SPIN1: variants seen among roughly 807,000 people sequenced by gnomAD.
SPIN1 encodes spindlin 1.
A neutral mutation model predicts 26.0 loss-of-function variants in SPIN1; 3 were observed. That is an observed-to-expected ratio of 0.12 (90% CI 0.05 to 0.30). SPIN1 has a LOEUF of 0.30. Ranked by LOEUF, SPIN1 falls within the 10% of genes least tolerant of loss-of-function variation. SPIN1 has a pLI of 1.00. For synonymous variants in SPIN1, 101 were observed against 116.5 expected, an observed-to-expected ratio of 0.87 and a Z score of 0.86; for missense variants, 126 against 333.4, an observed-to-expected ratio of 0.38 and a Z score of 4.84.
chr9:88,467,859 A>C (rs906341126), intron 4 of SPIN1, among the ~76,000 whole-genome samples: 26 of 102,808 alleles, frequency 2.5e-4, no homozygotes, highest in Non-Finnish European at 3.8e-4. Context: ...AAAAAAAAAC[A>C]AAAAAAAAAC....
At position 88,462,515 on chromosome 9, in the gene SPIN1, G is replaced by C; in HGVS notation, c.121G>C (p.Gly41Arg). 1 of 1,614,044 alleles carries C rather than the reference G, an allele frequency of 6.2e-7. No individual in the cohort carries two copies. The highest frequency in any genetic ancestry group is 1.1e-5 in the South Asian group (1 of 91,066). ...TSHKKHRSSV[G>R]PSKPVSQPRR... is the part of the protein sequence containing the mutation. ...ATACAGAAAACATCGGAGCAGTGTG[G>C]GTCCGAGCAAACCTGTTTCCCAGCC... is the stretch of plus-strand genomic sequence containing the variant. Residue 41 changes from glycine to arginine, a missense_variant, in exon 4 of 6, where the codon GGT (glycine) becomes CGT (arginine). Physicochemically the swap from Gly to Arg is moderately radical, Grantham distance 125. This residue lies in a region of SPIN1 where 63 missense variants were observed against 101.3 expected (regional missense o/e 0.62). Transcript: ENST00000375859.
intron 5 of SPIN1, among the ~76,000 whole-genome samples, chr9:88,470,588 A>C (rs1828761124): frequency 1.5e-5 from 2 of 133,618 alleles, no homozygotes; most frequent in African/African-American, 7.6e-5. Context: ...TCATATGCTT[A>C]TTGGCCCCCC....
intron 4 of SPIN1, among the ~76,000 whole-genome samples, chr9:88,463,669 C>T (rs1828611916): frequency 6.6e-6 from 1 of 152,134 alleles, no homozygotes; most frequent in Admixed American, 6.5e-5. Flanking sequence ...TTTTGTTTTA[C>T]TCTTCTCTTT....
At chr9:88,472,360 G>A (rs1166385453) in intron 5 of SPIN1, among the ~76,000 whole-genome samples, 6 of 152,034 alleles carry the variant, frequency 3.9e-5, no homozygotes, top group Admixed American at 3.3e-4. Flanking sequence ...TCAGCCTCCC[G>A]GGTAGCTGGG....
chr9:88,418,823 C>G (rs1267273368), intron 1 of SPIN1: 1 of 152,052 alleles, frequency 6.6e-6, no homozygotes, highest in Non-Finnish European at 1.5e-5. Context: ...TGACCCTGAC[C>G]AAGTTATTTT....
At chr9:88,408,308 C>CTCAGTCCCT (rs1224715033) in intron 1 of SPIN1, among the ~76,000 whole-genome samples, 1 of 146,998 alleles carries the variant, frequency 6.8e-6, no homozygotes, top group Non-Finnish European at 1.5e-5. Context: ...TTCAGATCTT[C>CTCAGTCCCT]TCAGTCCCTT....
At chr9:88,449,966 G>A (rs1023011397) in intron 3 of SPIN1, among the ~76,000 whole-genome samples, 7 of 152,210 alleles carry the variant, frequency 4.6e-5, no homozygotes, top group Non-Finnish European at 1.0e-4. Flanking sequence ...AATTGTTAGT[G>A]ATTGGGCGAA....
chr9:88,430,107 T>C (rs1295188539), intron 2 of SPIN1, among the ~76,000 whole-genome samples: 1 of 152,182 alleles, frequency 6.6e-6, no homozygotes, highest in Non-Finnish European at 1.5e-5. Context: ...CCAATGTGTC[T>C]ATTTGCAAAT....
In SPIN1 at chr9:88,410,238, A is replaced by G. The variant is rs1186769807; in HGVS notation, c.-158-16144A>G. ...ATTTATTCAGCATCATGATCAGACT[A>G]TTACATTTAGCAATCAACAGCATGG... On this transcript the variant is annotated intron_variant, in intron 1 of 5. Transcript: ENST00000375859. Among the ~76,000 whole-genome samples the G allele has an allele frequency of 4.7e-5, 7 of 149,966 alleles. No homozygotes were observed. The Admixed American group carries it at 4.7e-4, about 10-fold the overall frequency.
At chr9:88,456,804 C>G (rs896769508) in intron 3 of SPIN1, among the ~76,000 whole-genome samples, 1 of 151,998 alleles carries the variant, frequency 6.6e-6, no homozygotes, top group Admixed American at 6.6e-5. Context: ...AAGAACAAGC[C>G]AGGAATCACC....
intron 1 of SPIN1, among the ~76,000 whole-genome samples, chr9:88,408,800 A>G (rs548911280): frequency 5.3e-5 from 8 of 150,214 alleles, no homozygotes; most frequent in African/African-American, 1.2e-4. Flanking sequence ...CAGCCTCCCA[A>G]GTAGCTGGGA....
chr9:88,429,170 C>T (rs571947829), intron 2 of SPIN1, among the ~76,000 whole-genome samples: 6 of 152,270 alleles, frequency 3.9e-5, no homozygotes, highest in Admixed American at 3.3e-4. Flanking sequence ...GCCTGGCCTC[C>T]ACCTATTCTC....
intron 4 of SPIN1, among the ~76,000 whole-genome samples, chr9:88,463,477 A>G (rs188919225): frequency 7.9e-5 from 12 of 152,344 alleles, no homozygotes; most frequent in African/African-American, 2.2e-4. Context: ...TTATAAGTCT[A>G]TACCATTAAA....
chr9:88,433,671 T>C (rs1183099607), intron 2 of SPIN1, among the ~76,000 whole-genome samples: 1 of 152,202 alleles, frequency 6.6e-6, no homozygotes, highest in East Asian at 1.9e-4. Context: ...TATTTTCTTA[T>C]TTCTCTTTTA....
intron 5 of SPIN1, among the ~76,000 whole-genome samples, chr9:88,473,089 A>G (rs1828820614): frequency 6.6e-6 from 1 of 152,102 alleles, no homozygotes; most frequent in Admixed American, 6.5e-5. Context: ...TACTTCTTCA[A>G]TACATATTTT....
rs539282754 is a variant in SPIN1 at position 88,420,108 on chromosome 9, G to A, written c.-158-6274G>A. On this transcript the variant is annotated intron_variant, in intron 1 of 5. Coordinates refer to ENST00000375859, the MANE Select transcript of SPIN1 (RefSeq NM_006717.3). The stretch of plus-strand genomic sequence containing the variant: ...AGTTTTATTCAGGCCAGGCGCGGTG[G>A]CTCATGCCTGTAATCCCAGCACTTT... 3.3e-3 allele frequency among the ~76,000 whole-genome samples: 506 copies of A among 152,346 alleles called. 3 individuals carry two copies. The highest frequency in any genetic ancestry group is 0.011 in the African/African-American group (469 of 41,580).
At chr9:88,473,518 A>T (rs894001515) in intron 5 of SPIN1, among the ~76,000 whole-genome samples, 3 of 152,166 alleles carry the variant, frequency 2.0e-5, no homozygotes, top group Non-Finnish European at 4.4e-5. Context: ...TGACTTGAAC[A>T]TTTTTTTATA....
intron 2 of SPIN1, among the ~76,000 whole-genome samples, chr9:88,447,472 G>A (rs1828274292): frequency 6.6e-6 from 1 of 152,018 alleles, no homozygotes; most frequent in African/African-American, 2.4e-5. Context: ...CGAGACTGTT[G>A]GAGTCTATTT....
intron 2 of SPIN1, among the ~76,000 whole-genome samples, chr9:88,430,794 A>T (rs1417713100): frequency 6.6e-6 from 1 of 150,678 alleles, no homozygotes; most frequent in Non-Finnish European, 1.5e-5. Context: ...ATATGGTAAA[A>T]TTTTTTTTCA....
Sources: gnomAD v4.1 joint callset for allele counts (sites outside exome capture counted in the v4.1 genomes callset) on GRCh38, gnomAD v4.1.1 for gene constraint, gnomAD v4.1.1 regional missense constraint, MANE v1.5 for transcripts, NCBI Gene and HGNC (gene_info 2026-07-23, HGNC 2026-07-21) for gene names.